SGCZ: variants seen among roughly 807,000 people sequenced by gnomAD.
The protein encoded by SGCZ is zeta-sarcoglycan.
In SGCZ, 40 loss-of-function variants were observed where a neutral mutation model predicts 41.3. That is an observed-to-expected ratio of 0.97 (90% CI 0.75 to 1.26). SGCZ has a LOEUF of 1.26. Among genes scored for constraint, SGCZ ranks in the 50% most tolerant of loss-of-function variants. The probability of loss-of-function intolerance (pLI) is 0.00; values close to 1 mark genes in which losing one functional copy is unlikely to be tolerated. For synonymous variants in SGCZ, 206 were observed against 137.5 expected (o/e 1.50, Z -3.49); for missense variants, 552 against 369.8 (o/e 1.49, Z -4.04).
chr8:14,730,248 T>G (rs1333166949), intron 1 of SGCZ, among the ~76,000 whole-genome samples: 1 of 152,174 alleles, frequency 6.6e-6, no homozygotes, highest in East Asian at 1.9e-4. Context: ...CTTTATCTGT[T>G]TAATATATTA....
chr8:14,839,974 GT>G (rs1022887799), intron 1 of SGCZ, among the ~76,000 whole-genome samples: 1 of 151,910 alleles, frequency 6.6e-6, no homozygotes, highest in Non-Finnish European at 1.5e-5. Flanking sequence ...TAATCAACTT[GT>G]TTTTTACTTT....
intron 1 of SGCZ, among the ~76,000 whole-genome samples, chr8:14,708,066 T>G (rs1809388101): frequency 1.3e-5 from 2 of 152,034 alleles, no homozygotes; most frequent in Non-Finnish European, 2.9e-5. Flanking sequence ...AATGTCCAGA[T>G]TTCTACAATG....
chr8:14,897,496 C>A (rs765845398), intron 1 of SGCZ, among the ~76,000 whole-genome samples: 1 of 152,114 alleles, frequency 6.6e-6, no homozygotes, highest in Non-Finnish European at 1.5e-5. Context: ...TCACAGGATT[C>A]TTTCCCTTTT....
intron 2 of SGCZ, among the ~76,000 whole-genome samples, chr8:14,478,949 C>G (rs1038934810): frequency 7.9e-5 from 12 of 152,206 alleles, no homozygotes; most frequent in African/African-American, 2.9e-4. Flanking sequence ...CTCTCGTTTT[C>G]ATACGGATAA....
intron 3 of SGCZ, among the ~76,000 whole-genome samples, chr8:14,285,391 T>G (rs1367844517): frequency 6.6e-6 from 1 of 152,138 alleles, no homozygotes; most frequent in Non-Finnish European, 1.5e-5. Flanking sequence ...AGAGTTACTC[T>G]GTCTTTTTGA....
chr8:14,547,778 T>C (rs1006595765), intron 2 of SGCZ, among the ~76,000 whole-genome samples: 4 of 152,172 alleles, frequency 2.6e-5, no homozygotes, highest in Non-Finnish European at 2.9e-5. Flanking sequence ...GGAGCCATAA[T>C]GTGAATCAGG....
intron 4 of SGCZ, among the ~76,000 whole-genome samples, chr8:14,236,303 A>C (rs1313906471): frequency 6.6e-6 from 1 of 152,180 alleles, no homozygotes; most frequent in Non-Finnish European, 1.5e-5. Flanking sequence ...ATTATCACAA[A>C]ATATTATCCA....
chr8:14,686,320 T>C (rs1808609884), intron 1 of SGCZ, among the ~76,000 whole-genome samples: 1 of 152,092 alleles, frequency 6.6e-6, no homozygotes, highest in Non-Finnish European at 1.5e-5. Flanking sequence ...ATATACAATA[T>C]AGTAACAAAT....
rs375791874 is a variant in SGCZ at position 14,092,774 on chromosome 8, T to C, written c.745-2137A>G. On this transcript the variant is annotated intron_variant, in intron 7 of 7. Transcript: ENST00000382080. ...CCAGCCTCGTGGAAGTGTGAATACA[T>C]TAATTGTCTTTTTCTTTATAAATTA... 1.1e-4 allele frequency among the ~76,000 whole-genome samples: 16 copies of C among 152,170 alleles called. No homozygotes were observed. In the East Asian group the frequency reaches 2.9e-3, roughly 28 times the overall value.
At chr8:14,846,311 AAC>A (rs1432952663) in intron 1 of SGCZ, among the ~76,000 whole-genome samples, 1 of 152,134 alleles carries the variant, frequency 6.6e-6, no homozygotes, top group Non-Finnish European at 1.5e-5. Flanking sequence ...AAGCACATAG[AAC>A]AGTTATAACA....
At chr8:14,948,791 TTTTG>T (rs1253774895) in intron 1 of SGCZ, among the ~76,000 whole-genome samples, 7 of 152,100 alleles carry the variant, frequency 4.6e-5, no homozygotes, top group East Asian at 1.9e-4. Context: ...CACTGCTGGT[TTTTG>T]TTTGTTTTTG....
chr8:14,721,799 A>C (rs1407676066), intron 1 of SGCZ, among the ~76,000 whole-genome samples: 3 of 152,198 alleles, frequency 2.0e-5, no homozygotes. Context: ...AACTGCAGCC[A>C]AAACAAACAA....
chr8:14,987,672 G>C (rs766985427), intron 1 of SGCZ, among the ~76,000 whole-genome samples: 3 of 151,786 alleles, frequency 2.0e-5, no homozygotes, highest in Non-Finnish European at 2.9e-5. Flanking sequence ...CTTTGATCCT[G>C]GGCATCTTTA....
chr8:14,562,865 T>A (rs570039067), intron 1 of SGCZ, among the ~76,000 whole-genome samples: 99 of 152,220 alleles, frequency 6.5e-4, no homozygotes, highest in Middle Eastern at 3.4e-3. Context: ...GTGACGAAGC[T>A]GGGATCGAGA....
chr8:14,670,780 G>GATC (rs542941414), intron 1 of SGCZ, among the ~76,000 whole-genome samples: 114 of 152,278 alleles, frequency 7.5e-4, no homozygotes, highest in African/African-American at 2.7e-3. Flanking sequence ...TCATTTTAAA[G>GATC]ATGATGAAAC....
chr8:14,944,303 A>T (rs4831664), intron 1 of SGCZ, among the ~76,000 whole-genome samples: 32,796 of 152,150 alleles, frequency 0.22, 4,369 homozygotes, highest in East Asian at 0.31. Flanking sequence ...TCCCATGCCA[A>T]CAGAAACATA....
chr8:15,069,789 A>C, intron 1 of SGCZ, among the ~76,000 whole-genome samples: 1 of 152,194 alleles, frequency 6.6e-6, no homozygotes, highest in East Asian at 1.9e-4. Context: ...TACAAAATGC[A>C]ATACATTACT....
intron 1 of SGCZ, among the ~76,000 whole-genome samples, chr8:14,802,780 T>C (rs896251868): frequency 6.6e-6 from 1 of 152,300 alleles, no homozygotes; most frequent in Non-Finnish European, 1.5e-5. Flanking sequence ...AAAATGGGCT[T>C]AGATGAGATA....
At chr8:14,169,785 G>A (rs1804320002) in intron 4 of SGCZ, among the ~76,000 whole-genome samples, 1 of 152,178 alleles carries the variant, frequency 6.6e-6, no homozygotes, top group African/African-American at 2.4e-5. Flanking sequence ...ATTTTTGTAA[G>A]ACTATAGGTA....
Sources: gnomAD v4.1 joint callset for allele counts (sites outside exome capture counted in the v4.1 genomes callset) on GRCh38, gnomAD v4.1.1 for gene constraint, MANE v1.5 for transcripts, NCBI Gene and HGNC (gene_info 2026-07-23, HGNC 2026-07-21) for gene names.